The following MIER1 variants were observed in gnomAD, a reference collection of about 807,000 sequenced individuals.
MIER1 encodes the protein MIER1 transcriptional regulator, also known as mesoderm induction early response protein 1.
A neutral mutation model predicts 75.7 loss-of-function variants in MIER1; 40 were observed. The observed-to-expected ratio is 0.53, with a 90% CI of 0.41 to 0.69. The LOEUF (loss-of-function observed/expected upper bound fraction) is 0.69, where lower values mean the gene tolerates loss of function less well. Ranked by LOEUF, MIER1 falls within the 30% of genes least tolerant of loss-of-function variation. MIER1 has a pLI of 0.00. For missense variants in MIER1, 574 were observed against 680.2 expected, an observed-to-expected ratio of 0.84 and a Z score of 1.74; for synonymous variants, 213 against 223.4, an observed-to-expected ratio of 0.95 and a Z score of 0.42.
chr1:66,970,820 A>G lies in MIER1; in HGVS notation c.785A>G (p.Asp262Gly), dbSNP rs1163415157. ...TTTACTAATTTAGTATATGAAAATG[A>G]TGATCAGCTCCTGTGGGACCCTGAG... ...YKENEKVYEN[D>G]DQLLWDPEYL... Residue 262 changes from aspartate to glycine, a missense_variant, in exon 9 of 14, where the codon GAT becomes GGT. Asp to Gly is a moderately conservative substitution (Grantham distance 94). Coordinates refer to ENST00000401041, the MANE Select transcript of MIER1 (RefSeq NM_001077700.3). 6.4e-7 allele frequency: 1 copy of G among 1,556,436 alleles called. No individual in the cohort carries two copies. Among genetic ancestry groups the G allele is most frequent in the Non-Finnish European group, 8.6e-7 (1 of 1,159,754 alleles).
chr1:66,938,603 A>G (rs1655471309), intron 2 of MIER1, among the ~76,000 whole-genome samples: 1 of 152,214 alleles, frequency 6.6e-6, no homozygotes. Context: ...GATGTTAAGC[A>G]AGCTAGAAAC....
intron 4 of MIER1, chr1:66,946,583 T>G (rs896331297): frequency 2.6e-5 from 28 of 1,064,574 alleles, no homozygotes; most frequent in Admixed American, 5.3e-5. Context: ...AAAAGGATTC[T>G]ACACGGCCTC....
intron 10 of MIER1, among the ~76,000 whole-genome samples, chr1:66,972,327 G>A (rs1247944396): frequency 6.7e-6 from 1 of 150,034 alleles, no homozygotes; most frequent in Admixed American, 6.7e-5. Context: ...TTCTGAGGAT[G>A]TAACTATAAA....
chr1:66,937,112 A>G (rs1015416990), intron 2 of MIER1, among the ~76,000 whole-genome samples: 3 of 152,064 alleles, frequency 2.0e-5, no homozygotes, highest in Admixed American at 6.5e-5. Context: ...AAAGGACACT[A>G]TAAAAGGTAT....
At chr1:66,952,033 G>A (rs923550175) in intron 4 of MIER1, among the ~76,000 whole-genome samples, 6 of 152,236 alleles carry the variant, frequency 3.9e-5, no homozygotes, top group South Asian at 4.2e-4. Context: ...TATCTAAAGC[G>A]CTTAACATAA....
chr1:66,930,298 G>C, intron 2 of MIER1: 5 of 1,562,304 alleles, frequency 3.2e-6, no homozygotes, highest in Non-Finnish European at 4.3e-6. Context: ...AGAGACGGCA[G>C]CGGCCGGAGT....
chr1:66,940,270 CTTTTTTTTTT>C (rs35904130), intron 3 of MIER1: 29 of 131,454 alleles, frequency 2.2e-4, no homozygotes, highest in African/African-American at 1.1e-3. Context: ...TTTGGGTTTT[CTTTTTTTTTT>C]TTTTTTTTTT....
At chr1:66,955,336 G>GTTTTTTTTT (rs34006160) in intron 4 of MIER1, among the ~76,000 whole-genome samples, 2 of 59,968 alleles carry the variant, frequency 3.3e-5, no homozygotes, top group South Asian at 1.0e-3. Flanking sequence ...CATCACCTGA[G>GTTTTTTTTT]TTTTTTTTTT....
intron 13 of MIER1, 49 bp downstream of exon 13, chr1:66,981,967 T>C (rs963428839): frequency 1.1e-5 from 17 of 1,590,160 alleles, no homozygotes; most frequent in Non-Finnish European, 1.4e-5. Context: ...AGGGACACTT[T>C]CTTGCAGTGA....
rs770927731 is a variant in MIER1 at position 66,984,734 on chromosome 1, C to G, written c.1532C>G (p.Ala511Gly). The change falls in exon 14 of 14, where the codon GCC becomes GGC. Residue 511 changes from alanine to glycine, a missense_variant. Around this residue, in one of 3 missense-constraint regions of MIER1, gnomAD observed 164 missense variants for 154.3 expected, o/e 1.06. Coordinates refer to ENST00000401041, the MANE Select transcript of MIER1 (RefSeq NM_001077700.3). ...TDNLTTDPKL[A>G]HMTARNENDF... ...AACCTTACCACTGACCCAAAACTTG[C>G]CCATATGACTGCAAGAAATGAAAAT... is the stretch of plus-strand genomic sequence containing the variant. 1 of 1,613,912 alleles carries G rather than the reference C, an allele frequency of 6.2e-7. No homozygotes were observed. The highest frequency in any genetic ancestry group is 1.1e-5 in the South Asian group (1 of 91,078).
intron 4 of MIER1, among the ~76,000 whole-genome samples, chr1:66,953,694 C>T (rs1335208477): frequency 6.6e-6 from 1 of 151,696 alleles, no homozygotes; most frequent in African/African-American, 2.4e-5. Context: ...GCCCCTGCCT[C>T]CTGGGTTCAA....
At chr1:66,946,391 G>A in intron 4 of MIER1, 96 bp downstream of exon 4, 1 of 1,454,248 alleles carries the variant, frequency 6.9e-7, no homozygotes, top group Non-Finnish European at 9.0e-7. Context: ...GAGAGAAATT[G>A]TGTTATATAT....
chr1:66,957,736 A>G (rs1047135203), intron 4 of MIER1, among the ~76,000 whole-genome samples: 1 of 152,026 alleles, frequency 6.6e-6, no homozygotes, highest in Non-Finnish European at 1.5e-5. Context: ...GTGGGCATCC[A>G]TGCATAGCGT....
chr1:66,955,335 A>ATTT (rs1659870317), intron 4 of MIER1, among the ~76,000 whole-genome samples: 2 of 28,778 alleles, frequency 6.9e-5, no homozygotes, highest in South Asian at 1.6e-3. Flanking sequence ...GCATCACCTG[A>ATTT]GTTTTTTTTT....
intron 8 of MIER1, 50 bp downstream of exon 8, chr1:66,963,210 G>T: frequency 8.9e-7 from 1 of 1,129,612 alleles, no homozygotes; most frequent in South Asian, 1.3e-5. Context: ...TCAGTGTAAT[G>T]AACTGTTACT....
At chr1:66,970,447 G>C (rs1258903652) in intron 8 of MIER1, among the ~76,000 whole-genome samples, 2 of 152,120 alleles carry the variant, frequency 1.3e-5, no homozygotes, top group Non-Finnish European at 2.9e-5. Context: ...AAACTATGTG[G>C]TAGAGTTATT....
chr1:66,973,911 T>C (rs1664180804), intron 11 of MIER1, among the ~76,000 whole-genome samples: 1 of 152,164 alleles, frequency 6.6e-6, no homozygotes, highest in South Asian at 2.1e-4. Context: ...CCTGGGCTTA[T>C]GTCTGAGGCT....
chr1:66,979,999 G>A (rs1267676384), intron 12 of MIER1, among the ~76,000 whole-genome samples: 1 of 151,688 alleles, frequency 6.6e-6, no homozygotes, highest in East Asian at 1.9e-4. Flanking sequence ...CCCAACCTCA[G>A]GTGATCCACC....
intron 9 of MIER1, among the ~76,000 whole-genome samples, 157 bp downstream of exon 9, chr1:66,971,116 C>G (rs530801555): frequency 1.3e-5 from 2 of 152,222 alleles, no homozygotes; most frequent in African/African-American, 2.4e-5. Flanking sequence ...GTTGTTACCA[C>G]AGTGACTTCA....
Sources: allele counts gnomAD v4.1 joint callset (sites outside exome capture counted in the v4.1 genomes callset), GRCh38; gene constraint gnomAD v4.1.1; regional missense constraint gnomAD v4.1.1; transcripts MANE v1.5; gene names NCBI Gene and HGNC (gene_info 2026-07-23, HGNC 2026-07-21).